The following ROBO1 variants were observed in gnomAD, a reference collection of about 807,000 sequenced individuals.
ROBO1 encodes the protein roundabout homolog 1.
In ROBO1, 149 loss-of-function variants were observed where a neutral mutation model predicts 195.9. The observed-to-expected ratio is 0.76, with a 90% CI of 0.67 to 0.87. ROBO1 has a LOEUF of 0.87. ROBO1 is among the 40% of genes least tolerant of loss of function. The probability of loss-of-function intolerance (pLI) is 0.00; values close to 1 mark genes in which losing one functional copy is unlikely to be tolerated. For missense variants in ROBO1, 1,933 were observed against 2,068.3 expected (o/e 0.93, Z 1.27); for synonymous variants, 816 against 733.2 (o/e 1.11, Z -1.82).
At chr3:78,712,050 A>C (rs9309816) in intron 8 of ROBO1, among the ~76,000 whole-genome samples, 18 of 101,058 alleles carry the variant, frequency 1.8e-4, no homozygotes, top group South Asian at 1.0e-3. Flanking sequence ...AAAAAAAAAA[A>C]CTCTCAAATC....
At chr3:79,123,250 C>CA (rs1281277896) in intron 3 of ROBO1, among the ~76,000 whole-genome samples, 4 of 152,024 alleles carry the variant, frequency 2.6e-5, no homozygotes, top group African/African-American at 9.6e-5. Flanking sequence ...CCTCTGAACT[C>CA]AATTTTCTCT....
intron 4 of ROBO1, among the ~76,000 whole-genome samples, chr3:78,900,535 C>G (rs1194932154): frequency 6.6e-6 from 1 of 152,038 alleles, no homozygotes; most frequent in East Asian, 1.9e-4. Flanking sequence ...TTTATGTTAA[C>G]AAATACATTG....
intron 5 of ROBO1, 42 bp downstream of exon 5, chr3:78,746,701 T>C (rs1333934213): frequency 7.2e-7 from 1 of 1,384,374 alleles, no homozygotes; most frequent in Non-Finnish European, 9.5e-7. Context: ...ATACACACAG[T>C]TAGACCAACA....
intron 1 of ROBO1, among the ~76,000 whole-genome samples, chr3:79,707,729 C>T (rs542724808): frequency 4.7e-4 from 71 of 152,228 alleles, no homozygotes; most frequent in Middle Eastern, 3.4e-3. Flanking sequence ...AGGATGGTCT[C>T]GATCTCCTAA....
intron 4 of ROBO1, among the ~76,000 whole-genome samples, chr3:78,881,292 A>G (rs2107257451): frequency 6.6e-6 from 1 of 152,304 alleles, no homozygotes; most frequent in East Asian, 1.9e-4. Context: ...AAAGTGTGTT[A>G]CGGAGCCCCT....
chr3:79,575,222 T>C (rs1288791707), intron 2 of ROBO1, among the ~76,000 whole-genome samples: 2 of 124,914 alleles, frequency 1.6e-5, no homozygotes, highest in Non-Finnish European at 3.2e-5. Flanking sequence ...TATATATATA[T>C]AACAAATATA....
At chr3:79,106,791 A>G (rs1460318213) in intron 3 of ROBO1, among the ~76,000 whole-genome samples, 2 of 151,694 alleles carry the variant, frequency 1.3e-5, no homozygotes, top group Non-Finnish European at 3.0e-5. Context: ...TATTGTCCTC[A>G]TATTCATTAT....
At chr3:79,739,346 C>A (rs1276766683) in intron 1 of ROBO1, among the ~76,000 whole-genome samples, 2 of 152,028 alleles carry the variant, frequency 1.3e-5, no homozygotes, top group Admixed American at 6.6e-5. Flanking sequence ...ATCATAGAGA[C>A]AAAGGGATGA....
intron 3 of ROBO1, among the ~76,000 whole-genome samples, chr3:78,960,642 T>C (rs2041284978): frequency 1.3e-5 from 2 of 151,888 alleles, no homozygotes; most frequent in Admixed American, 1.3e-4. Context: ...TAGCTGGTTG[T>C]GGTGGCACGT....
At chr3:78,875,712 G>A (rs921334898) in intron 4 of ROBO1, among the ~76,000 whole-genome samples, 12 of 151,984 alleles carry the variant, frequency 7.9e-5, no homozygotes, top group African/African-American at 2.9e-4. Context: ...CATTCAATTT[G>A]GTTTTAGGAA....
At chr3:79,160,000 G>A (rs1234165215) in intron 2 of ROBO1, among the ~76,000 whole-genome samples, 1 of 152,024 alleles carries the variant, frequency 6.6e-6, no homozygotes. Flanking sequence ...ACAGAAGGAT[G>A]TCAACAGATA....
In ROBO1 at chr3:79,621,436, C is replaced by A. The variant is rs564615786; in HGVS notation, c.-50-31475G>T. ...TTGGTGGTCTCTTCACATGGACGTG[C>A]ATGACACTTATCAAGGCTCATAGCC... On this transcript the variant is annotated intron_variant, in intron 1 of 30. Transcript: ENST00000464233. Among the ~76,000 whole-genome samples, 4 of 152,240 alleles carry A rather than the reference C, an allele frequency of 2.6e-5. No homozygotes were observed. The East Asian group carries it at 5.8e-4, about 22-fold the overall frequency.
chr3:79,247,424 A>C (rs1349843977), intron 2 of ROBO1, among the ~76,000 whole-genome samples: 3 of 151,524 alleles, frequency 2.0e-5, no homozygotes, highest in Non-Finnish European at 4.4e-5. Context: ...GGAAAAGTCC[A>C]TTTATTTGGA....
At chr3:78,673,939 T>G (rs1708247808) in intron 10 of ROBO1, among the ~76,000 whole-genome samples, 1 of 151,988 alleles carries the variant, frequency 6.6e-6, no homozygotes, top group Non-Finnish European at 1.5e-5. Context: ...GGCTATAAAA[T>G]ATTATTATTC....
intron 2 of ROBO1, among the ~76,000 whole-genome samples, chr3:79,401,535 A>C (rs1474938256): frequency 6.6e-6 from 1 of 151,884 alleles, no homozygotes; most frequent in Non-Finnish European, 1.5e-5. Flanking sequence ...GATGATGAAG[A>C]GGAAGGGATA....
chr3:78,948,181 G>T (rs1350639317), intron 3 of ROBO1, among the ~76,000 whole-genome samples: 1 of 152,142 alleles, frequency 6.6e-6, no homozygotes, highest in Non-Finnish European at 1.5e-5. Flanking sequence ...TATGAGGCCA[G>T]CATCATCCTG....
intron 2 of ROBO1, among the ~76,000 whole-genome samples, chr3:79,530,754 A>ACC (rs1381575328): frequency 5.6e-5 from 5 of 89,102 alleles, no homozygotes; most frequent in Non-Finnish European, 4.4e-5. Context: ...ACACCTTGTA[A>ACC]CCACACACAC....
At chr3:78,749,228 T>C (rs1326928318) in intron 4 of ROBO1, among the ~76,000 whole-genome samples, 1 of 152,118 alleles carries the variant, frequency 6.6e-6, no homozygotes, top group East Asian at 1.9e-4. Context: ...GTAAACAATA[T>C]GCACAATTTT....
At chr3:78,681,220 T>C (rs1360935312) in intron 10 of ROBO1, among the ~76,000 whole-genome samples, 2 of 151,788 alleles carry the variant, frequency 1.3e-5, no homozygotes, top group African/African-American at 4.8e-5. Flanking sequence ...CATTAGGAGA[T>C]ATACCTAATG....
Sources: gnomAD v4.1 joint callset for allele counts (sites outside exome capture counted in the v4.1 genomes callset) on GRCh38, gnomAD v4.1.1 for gene constraint, MANE v1.5 for transcripts, NCBI Gene and HGNC (gene_info 2026-07-23, HGNC 2026-07-21) for gene names.